Variants in SOX6 observed in about 807,000 individuals in gnomAD.
SOX6 encodes transcription factor SOX-6.
In SOX6, 11 loss-of-function variants were observed where a neutral mutation model predicts 97.8. That is an observed-to-expected ratio of 0.11 (90% CI 0.07 to 0.19). The LOEUF (loss-of-function observed/expected upper bound fraction) is 0.19. Ranked by LOEUF, SOX6 falls within the 10% of genes least tolerant of loss-of-function variation. SOX6 has a pLI of 1.00. For synonymous variants in SOX6, 360 were observed against 371.4 expected (o/e 0.97, Z 0.35); for missense variants, 810 against 1,039.5 (o/e 0.78, Z 3.04).
rs1015536781 is a variant in SOX6, at chr11:16,268,611, A to G, written c.446-33940T>C. Among the ~76,000 whole-genome samples the G allele has an allele frequency of 5.9e-5, 9 of 151,306 alleles. No individual in the cohort carries two copies. In the South Asian group the frequency reaches 1.7e-3, roughly 28 times the overall value. On this transcript the variant is annotated intron_variant, in intron 3 of 15. Transcript: ENST00000683767. ...TACAAGAAGAAATGACAAATTCACA[A>G]TTGTAAGTCAGATAATTCAACACCC...
intron 6 of SOX6, among the ~76,000 whole-genome samples, chr11:16,181,929 T>C (rs61560681): frequency 6.6e-6 from 1 of 151,738 alleles, no homozygotes; most frequent in Non-Finnish European, 1.5e-5. Flanking sequence ...ACAAGAAATA[T>C]CCACACATTT....
At chr11:16,248,679 G>C (rs1208513261) in intron 3 of SOX6, among the ~76,000 whole-genome samples, 1 of 152,226 alleles carries the variant, frequency 6.6e-6, no homozygotes, top group Non-Finnish European at 1.5e-5. Context: ...ACAGTGCAGG[G>C]GGGCCTTGGG....
At chr11:16,001,601 T>G (rs1460518309) in intron 13 of SOX6, among the ~76,000 whole-genome samples, 1 of 152,152 alleles carries the variant, frequency 6.6e-6, no homozygotes, top group Admixed American at 6.5e-5. Flanking sequence ...GCTGGAACAT[T>G]ATTTTCCCAC....
intron 3 of SOX6, among the ~76,000 whole-genome samples, chr11:16,663,041 T>A (rs1225769554): frequency 7.0e-6 from 1 of 142,530 alleles, no homozygotes; most frequent in Non-Finnish European, 1.5e-5. Context: ...GGGTCTCAGT[T>A]AAAAAAAAAA....
chr11:16,606,553 G>A (rs1848336338), intron 4 of SOX6, among the ~76,000 whole-genome samples: 1 of 152,148 alleles, frequency 6.6e-6, no homozygotes, highest in Non-Finnish European at 1.5e-5. Context: ...CGAACTTCAC[G>A]GAGACTTACA....
In SOX6 at chr11:16,210,483, G is replaced by A. The variant is rs572737749; in HGVS notation, c.536-23528C>T. ...ATTAGTGGTTGTTTAGGGGTGGGGA[G>A]TTGTGACGAAATGGGAAGTGACTGC... On this transcript the variant is annotated intron_variant, in intron 4 of 15. Transcript: ENST00000683767. Among the ~76,000 whole-genome samples, 5 of 152,270 alleles carry A rather than the reference G, an allele frequency of 3.3e-5. No homozygotes were observed. In the South Asian group the frequency reaches 6.2e-4, roughly 19 times the overall value.
At chr11:16,555,971 T>G (rs180812403) in intron 4 of SOX6, among the ~76,000 whole-genome samples, 593 of 151,852 alleles carry the variant, frequency 3.9e-3, no homozygotes, top group Non-Finnish European at 6.6e-3. Context: ...CTGGGTTTTT[T>G]ATATTTTTAT....
At chr11:16,467,464 G>C (rs1188110721) in intron 1 of SOX6, among the ~76,000 whole-genome samples, 1 of 152,172 alleles carries the variant, frequency 6.6e-6, no homozygotes, top group Non-Finnish European at 1.5e-5. Flanking sequence ...GCCATAAAAA[G>C]AATGAGATCA....
At chr11:16,301,136 A>C (rs71484709) in intron 3 of SOX6, among the ~76,000 whole-genome samples, 4 of 152,212 alleles carry the variant, frequency 2.6e-5, no homozygotes, top group Non-Finnish European at 4.4e-5. Flanking sequence ...TAGCAATGTG[A>C]GAAACAAACT....
chr11:16,179,646 A>G (rs2134096186), intron 6 of SOX6, among the ~76,000 whole-genome samples: 1 of 152,048 alleles, frequency 6.6e-6, no homozygotes, highest in South Asian at 2.1e-4. Context: ...CACATTAATC[A>G]TAAAGAAAAC....
intron 6 of SOX6, among the ~76,000 whole-genome samples, chr11:16,157,016 A>T (rs1020065756): frequency 6.6e-6 from 1 of 152,176 alleles, no homozygotes; most frequent in African/African-American, 2.4e-5. Flanking sequence ...GCAGTGATTT[A>T]TCATTGGTAA....
chr11:16,736,846 G>A (rs928156054), intron 1 of SOX6, among the ~76,000 whole-genome samples: 5 of 151,682 alleles, frequency 3.3e-5, no homozygotes, highest in African/African-American at 9.7e-5. Context: ...TTTTCTCTTG[G>A]GTTTACTCTC....
At chr11:16,390,051 G>A (rs1040184089) in intron 1 of SOX6, among the ~76,000 whole-genome samples, 1 of 147,492 alleles carries the variant, frequency 6.8e-6, no homozygotes, top group Non-Finnish European at 1.5e-5. Context: ...GCAGTAAGCA[G>A]TAGCTCAAAC....
At chr11:16,154,247 A>G (rs1488318164) in intron 6 of SOX6, among the ~76,000 whole-genome samples, 1 of 152,140 alleles carries the variant, frequency 6.6e-6, no homozygotes, top group Non-Finnish European at 1.5e-5. Flanking sequence ...TTGTAAATAC[A>G]TGAAAAAAAA....
At chr11:16,132,456 G>GAA (rs780088538) in intron 6 of SOX6, among the ~76,000 whole-genome samples, 6 of 119,910 alleles carry the variant, frequency 5.0e-5, no homozygotes, top group African/African-American at 2.0e-4. Context: ...AAGAAAGAAA[G>GAA]AAAGAAAGAA....
intron 1 of SOX6, among the ~76,000 whole-genome samples, chr11:16,392,552 A>G (rs1858216397): frequency 6.6e-6 from 1 of 152,176 alleles, no homozygotes; most frequent in African/African-American, 2.4e-5. Flanking sequence ...TTAATTTATT[A>G]CTACTTTTAA....
chr11:16,016,754 C>G (rs1195682085), intron 12 of SOX6, among the ~76,000 whole-genome samples: 1 of 152,030 alleles, frequency 6.6e-6, no homozygotes, highest in Non-Finnish European at 1.5e-5. Flanking sequence ...AAATATTCAA[C>G]CTTTGTTTTA....
At position 16,500,882 on chromosome 11, in the gene SOX6, G is replaced by T. The variant is rs1215600077; in HGVS notation, n.610-24494C>A. On this transcript the variant is annotated intron_variant and non_coding_transcript_variant, in intron 4 of 5. Transcript: ENST00000524520. The stretch of plus-strand genomic sequence containing the variant: ...TCAATATTGTGAAAATGGCCATACT[G>T]CCCAAGGTAATTTATAGATTCAATG... 2.0e-5 allele frequency among the ~76,000 whole-genome samples: 3 copies of T among 152,110 alleles called. No homozygotes were observed. In the East Asian group the frequency reaches 5.8e-4, roughly 29 times the overall value.
At chr11:16,540,147 G>A (rs538601154) in intron 4 of SOX6, among the ~76,000 whole-genome samples, 11 of 152,262 alleles carry the variant, frequency 7.2e-5, no homozygotes, top group Admixed American at 1.3e-4. Flanking sequence ...TCATCCCTGG[G>A]ATGCAATGCT....
Sources: gnomAD v4.1 joint callset for allele counts (sites outside exome capture counted in the v4.1 genomes callset) on GRCh38, gnomAD v4.1.1 for gene constraint, MANE v1.5 for transcripts, NCBI Gene and HGNC (gene_info 2026-07-23, HGNC 2026-07-21) for gene names.